Variants in FAXDC2 observed in about 807,000 individuals in gnomAD.
The protein encoded by FAXDC2 is fatty acid hydroxylase domain containing 2.
Under a neutral mutation model 40.9 loss-of-function variants are expected in FAXDC2, and 41 were observed. The observed-to-expected ratio is 1.00, with a 90% CI of 0.78 to 1.30. The LOEUF is 1.30. FAXDC2 is among the 50% of genes most tolerant of loss of function. The probability of loss-of-function intolerance (pLI) is 0.00; values close to 1 mark genes in which losing one functional copy is unlikely to be tolerated. For synonymous variants in FAXDC2, 157 were observed against 149.3 expected (o/e 1.05, Z -0.38); for missense variants, 390 against 408.8 (o/e 0.95, Z 0.40).
chr5:154,842,521 T>TG (rs1561660728), intron 1 of FAXDC2, among the ~76,000 whole-genome samples: 1 of 108,312 alleles, frequency 9.2e-6, no homozygotes, highest in Non-Finnish European at 1.8e-5. Context: ...TGTTTTTTTT[T>TG]TTTTTTTTTT....
intron 1 of FAXDC2, among the ~76,000 whole-genome samples, chr5:154,844,348 C>T (rs1416973864): frequency 6.7e-6 from 1 of 150,372 alleles, no homozygotes; most frequent in African/African-American, 2.5e-5. Flanking sequence ...CACCACTGCA[C>T]TCCTGCCTGG....
Position 154,834,799 on chromosome 5 carries a change from C to G in FAXDC2, c.140+44G>C, listed in dbSNP as rs773879402. ...AGCTCCTTCCCCTATGCTCTGCCCC[C>G]GACCACCACCACACTGCACCCTAGC... On this transcript the variant is annotated intron_variant, in intron 3 of 8. Transcript: ENST00000326080. 1.9e-6 allele frequency: 3 copies of G among 1,591,168 alleles called. No individual in the cohort carries two copies. The East Asian group carries it at 6.7e-5, about 36-fold the overall frequency.
chr5:154,837,839 T>C (rs540186310), intron 2 of FAXDC2, among the ~76,000 whole-genome samples: 1 of 152,218 alleles, frequency 6.6e-6, no homozygotes, highest in South Asian at 2.1e-4. Flanking sequence ...GCCCGAGGCA[T>C]AGGACATGCC....
chr5:154,833,665 A>C (rs1760247815), intron 4 of FAXDC2, among the ~76,000 whole-genome samples: 1 of 148,246 alleles, frequency 6.7e-6, no homozygotes, highest in East Asian at 2.0e-4. Flanking sequence ...CATCTTAAAT[A>C]TTTCTTTCTT....
chr5:154,849,029 CAT>C (rs550650209), intron 1 of FAXDC2, among the ~76,000 whole-genome samples: 114 of 150,850 alleles, frequency 7.6e-4, no homozygotes, highest in African/African-American at 2.6e-3. Flanking sequence ...CCTGTAATCT[CAT>C]AACTTTGGGA....
At chr5:154,822,279 T>C in intron 7 of FAXDC2, 193 bp downstream of exon 7, 1 of 569,124 alleles carries the variant, frequency 1.8e-6, no homozygotes, top group Non-Finnish European at 3.1e-6. Context: ...AAGAAAGTTG[T>C]TGGGATGATT....
At chr5:154,844,590 A>G (rs1173759301) in intron 1 of FAXDC2, among the ~76,000 whole-genome samples, 1 of 152,102 alleles carries the variant, frequency 6.6e-6, no homozygotes, top group Non-Finnish European at 1.5e-5. Context: ...CCCCACCAAA[A>G]TGATTTAGGT....
intron 5 of FAXDC2, among the ~76,000 whole-genome samples, chr5:154,825,770 A>G (rs1760019508): frequency 6.6e-6 from 1 of 151,994 alleles, no homozygotes; most frequent in Admixed American, 6.6e-5. Flanking sequence ...TTTATTTCAG[A>G]AATAGAGTTA....
intron 1 of FAXDC2, among the ~76,000 whole-genome samples, chr5:154,844,149 T>C (rs1582541146): frequency 6.7e-6 from 1 of 150,304 alleles, no homozygotes; most frequent in Non-Finnish European, 1.5e-5. Context: ...ACCCAGGAGG[T>C]GGAGTCTGTA....
At chr5:154,842,302 A>G (rs573961530) in intron 1 of FAXDC2, among the ~76,000 whole-genome samples, 50 of 151,654 alleles carry the variant, frequency 3.3e-4, no homozygotes, top group African/African-American at 1.1e-3. Context: ...GGTTCAAGCA[A>G]TTCTCCTGCC....
chr5:154,824,831 G>C (rs1759981225), intron 5 of FAXDC2: 1 of 346,904 alleles, frequency 2.9e-6, no homozygotes, highest in African/African-American at 2.1e-5. Flanking sequence ...GCTCACACCT[G>C]TAATCCCAGC....
Position 154,823,480 on chromosome 5 carries a change from G to T in FAXDC2, c.479C>A (p.Pro160His). The change falls in exon 6 of 9, where the codon CCC becomes CAC. Residue 160 changes from proline to histidine, a missense_variant. Coordinates refer to ENST00000326080, the MANE Select transcript of FAXDC2 (RefSeq NM_032385.5). Reference protein sequence around the residue: ...LYPFLKWWRDPCRRELPTFHW... With the variant: ...LYPFLKWWRDHCRRELPTFHW... ...GAAGGTGGGTAGCTCACGGCGGCAG[G>T]GGTCTCTCCACCATTTGAGGAAGGG... 1 of 1,614,174 alleles carries T rather than the reference G, an allele frequency of 6.2e-7. No homozygotes were observed. The highest frequency in any genetic ancestry group is 1.1e-5 in the South Asian group (1 of 91,088).
chr5:154,825,450 A>G (rs1056534231), intron 5 of FAXDC2, among the ~76,000 whole-genome samples: 5 of 151,758 alleles, frequency 3.3e-5, no homozygotes, highest in African/African-American at 1.2e-4. Context: ...CGAGGTCAGG[A>G]GTTTGAGACC....
Position 154,820,455 on chromosome 5 carries a change from C to T in FAXDC2, c.863G>A (p.Gly288Glu), listed in dbSNP as rs770944251. 5 of 1,612,024 alleles carry T rather than the reference C, an allele frequency of 3.1e-6. No homozygotes were observed. The highest frequency in any genetic ancestry group is 1.7e-4 in the Middle Eastern group (1 of 6,056). ...GAGGTGGTCCAGCACACCCAGCACC[C>T]CATAGCACTGGTTGAACCTAGAAGA... Reference protein sequence around the residue: ...YHHLKFNQCYGVLGVLDHLHG... With the variant: ...YHHLKFNQCYEVLGVLDHLHG... The change falls in exon 9 of 9, where the codon GGG becomes GAG. Residue 288 changes from glycine (G) to glutamate (E), a missense_variant. Gly to Glu is a moderately conservative substitution (Grantham distance 98). Coordinates refer to ENST00000326080, the MANE Select transcript of FAXDC2 (RefSeq NM_032385.5).
At chr5:154,842,513 T>TG (rs1491334310) in intron 1 of FAXDC2, among the ~76,000 whole-genome samples, 26 of 47,858 alleles carry the variant, frequency 5.4e-4, no homozygotes, top group Non-Finnish European at 9.1e-4. Context: ...CCTTTGTGTG[T>TG]TTTTTTTTTT....
At chr5:154,837,216 ACTCT>A (rs145240877) in intron 2 of FAXDC2, among the ~76,000 whole-genome samples, 19 of 149,034 alleles carry the variant, frequency 1.3e-4, no homozygotes, top group East Asian at 1.2e-3. Context: ...ACGTGCACAC[ACTCT>A]CTCTCTCTCT....
chr5:154,829,374 C>G (rs1472248231), intron 5 of FAXDC2: 1 of 153,702 alleles, frequency 6.5e-6, no homozygotes, highest in Admixed American at 6.5e-5. Flanking sequence ...GTTCAGGGGC[C>G]AGTCCTTCCT....
rs1300707034 is a variant in FAXDC2, at chr5:154,822,488, T to A, written c.662A>T (p.His221Leu). 6.2e-7 allele frequency: 1 copy of A among 1,611,670 alleles called. No individual in the cohort carries two copies. The highest frequency in any genetic ancestry group is 1.7e-5 in the Admixed American group (1 of 60,014). Residue 221 changes from histidine to leucine, a missense_variant, in exon 7 of 9, where the codon CAC becomes CTC. By Grantham distance (99) the His-to-Leu change is moderately conservative (BLOSUM62 -3). Coordinates refer to ENST00000326080, the MANE Select transcript of FAXDC2 (RefSeq NM_032385.5). ...TCTACTCACTGCATGCTCTATAGGG[T>A]GGGCATAGAGAGAGATCACGCCAAT... ...APIGVISLYA[H>L]PIEHAVSNML...
intron 1 of FAXDC2, among the ~76,000 whole-genome samples, chr5:154,847,487 CTT>C (rs557543082): frequency 1.1e-4 from 15 of 132,292 alleles, no homozygotes; most frequent in Admixed American, 3.2e-4. Flanking sequence ...TTCTTTCTTT[CTT>C]TTTTTTTTTT....
Sources: gnomAD v4.1 joint callset for allele counts (sites outside exome capture counted in the v4.1 genomes callset) on GRCh38, gnomAD v4.1.1 for gene constraint, MANE v1.5 for transcripts, NCBI Gene and HGNC (gene_info 2026-07-23, HGNC 2026-07-21) for gene names.